RFX1: variants seen among roughly 807,000 people sequenced by gnomAD.
The protein encoded by RFX1 is regulatory factor X1.
In RFX1, 42 loss-of-function variants were observed where a neutral mutation model predicts 119.6. The ratio of observed to expected loss-of-function variants is 0.35; its 90% CI spans 0.27 to 0.45. The LOEUF is 0.45. RFX1 is among the 20% of genes least tolerant of loss of function. The pLI is 1.00. For missense variants in RFX1, 1,118 were observed against 1,368.1 expected, an observed-to-expected ratio of 0.82 and a Z score of 2.88; for synonymous variants, 628 against 618.5, an observed-to-expected ratio of 1.02 and a Z score of -0.23.
chr19:13,970,659 C>G (rs537677485), intron 9 of RFX1, among the ~76,000 whole-genome samples: 2 of 46,818 alleles, frequency 4.3e-5, no homozygotes, highest in South Asian at 7.8e-4. Flanking sequence ...GAGACCTTGT[C>G]TCAAAAAAAA....
rs374385234 is a variant in RFX1, at chr19:13,965,402, G to C, written c.2211+47C>G. Reference sequence around the variant, plus strand: ...GCCCCTGGGGAGCAGAGGAGACGGAGGCCTAAGCCCCAGAGATAGGAGAAA... The same window carrying C: ...GCCCCTGGGGAGCAGAGGAGACGGACGCCTAAGCCCCAGAGATAGGAGAAA... On this transcript the variant is annotated intron_variant, in intron 16 of 20. Coordinates refer to ENST00000254325, the MANE Select transcript of RFX1 (RefSeq NM_002918.5). The surrounding 1 kb of genome is among the most constrained non-coding windows in gnomAD (Gnocchi z 4.7). The C allele has an allele frequency of 4.5e-5, 69 of 1,535,728 alleles. No homozygotes were observed. Among genetic ancestry groups the C allele is most frequent in the Non-Finnish European group, 5.8e-5 (65 of 1,112,084 alleles).
intron 1 of RFX1, among the ~76,000 whole-genome samples, chr19:13,997,275 G>T (rs548934556): frequency 3.8e-4 from 58 of 152,328 alleles, no homozygotes; most frequent in Middle Eastern, 3.4e-3. Flanking sequence ...GAGTTAGCAG[G>T]GGGGCAAGGT....
chr19:14,004,376 C>G (rs1366921278), intron 1 of RFX1, among the ~76,000 whole-genome samples: 1 of 152,130 alleles, frequency 6.6e-6, no homozygotes. Flanking sequence ...GGCATGATGG[C>G]GAGCGCCTGT....
At position 13,966,352 on chromosome 19, in the gene RFX1, C is replaced by T; in HGVS notation, c.1961+69G>A. ...GACAAGCAGGTGCCCCAACCCTGGC[C>T]ATCAAAATCACCTGCGGGTCATGCC... is the stretch of plus-strand genomic sequence containing the variant. On this transcript the variant is annotated intron_variant, in intron 14 of 20. Transcript: ENST00000254325. This position sits in a 1 kb window ranked among gnomAD's most constrained non-coding sequence, Gnocchi z 6.3. 1 of 994,140 alleles carries T rather than the reference C, an allele frequency of 1.0e-6. No homozygotes were observed. The highest frequency in any genetic ancestry group is 1.6e-6 in the Non-Finnish European group (1 of 633,762). The allele number at this position is 994,140 out of a possible 1,614,324, so 61.6% of individuals were successfully genotyped here. A position where few individuals can be genotyped will look rare whatever the true frequency, so the allele number is the denominator to read the frequency against.
At chr19:13,994,347 A>G (rs1000346766) in intron 1 of RFX1, among the ~76,000 whole-genome samples, 1 of 152,128 alleles carries the variant, frequency 6.6e-6, no homozygotes, top group Non-Finnish European at 1.5e-5. Flanking sequence ...GAGGACCCCA[A>G]GTGGGCACTT....
intron 3 of RFX1, 42 bp downstream of exon 3, chr19:13,983,444 C>T (rs776171419): frequency 5.7e-5 from 85 of 1,494,822 alleles, no homozygotes; most frequent in Admixed American, 1.5e-4. Flanking sequence ...CACTGCCCCC[C>T]TCCCGGGCCC....
chr19:13,962,561 C>T lies in RFX1; in HGVS notation c.*134G>A, dbSNP rs1408757678. 5.6e-6 allele frequency: 4 copies of T among 719,758 alleles called. No individual in the cohort carries two copies. In the African/African-American group the frequency reaches 5.7e-5, roughly 10 times the overall value. 44.6% of individuals were successfully genotyped at this position (719,758 alleles called of 1,614,324 possible). On this transcript the variant is annotated 3_prime_UTR_variant, in exon 21 of 21. Transcript: ENST00000254325. Reference sequence around the variant, plus strand: ...GCCGGCCCCATAAGGGAGGAGGGCCCCGGTCTTCCCTGTCTCGGAGTCCCC... The same window carrying T: ...GCCGGCCCCATAAGGGAGGAGGGCCTCGGTCTTCCCTGTCTCGGAGTCCCC...
chr19:13,992,009 C>G (rs1292611139), intron 2 of RFX1, among the ~76,000 whole-genome samples: 2 of 152,106 alleles, frequency 1.3e-5, no homozygotes, highest in East Asian at 3.9e-4. Flanking sequence ...GGTCCCCAAT[C>G]CCATCTTGAC....
chr19:13,978,296 G>C (rs1337366629), intron 7 of RFX1, among the ~76,000 whole-genome samples: 1 of 152,226 alleles, frequency 6.6e-6, no homozygotes, highest in Non-Finnish European at 1.5e-5. Flanking sequence ...TCTCGGCTTC[G>C]GCTGGGGCCA....
At chr19:13,977,589 G>C (rs768344670) in intron 8 of RFX1, among the ~76,000 whole-genome samples, 1 of 151,924 alleles carries the variant, frequency 6.6e-6, no homozygotes, top group Non-Finnish European at 1.5e-5. Context: ...GCTAACTTTT[G>C]TATTTTTAGT....
chr19:13,973,159 G>T, intron 8 of RFX1, 32 bp from the exon 9 acceptor site: 2 of 1,562,722 alleles, frequency 1.3e-6, no homozygotes, highest in Non-Finnish European at 1.7e-6. Flanking sequence ...GGGAGAGTCA[G>T]GGGGATGAGA....
chr19:13,994,511 T>C (rs1380742962), intron 1 of RFX1, among the ~76,000 whole-genome samples: 7 of 151,788 alleles, frequency 4.6e-5, no homozygotes, highest in Non-Finnish European at 1.5e-5. Flanking sequence ...AGGTCAGGAG[T>C]TCGAGACCAG....
Position 13,973,097 on chromosome 19 carries a change from C to T in RFX1, c.960G>A (p.Thr320=), listed in dbSNP as rs756247506. ...IRSSTYSYPE[T]PLYTQTASTS... is the part of the protein sequence containing the mutation. ...TGCTTGCCGTCTGCGTGTACAGCGG[C>T]GTCTCGGGATAGGAGTAGGTGCTGG... Residue 320 remains threonine (T), a synonymous_variant, in exon 9 of 21, where the codon ACG becomes ACA. Coordinates refer to ENST00000254325, the MANE Select transcript of RFX1 (RefSeq NM_002918.5). 6.8e-5 allele frequency: 108 copies of T among 1,599,460 alleles called. No homozygotes were observed. The highest frequency in any genetic ancestry group is 8.4e-5 in the Admixed American group (5 of 59,850).
At chr19:13,974,450 C>T (rs1974191774) in intron 8 of RFX1, among the ~76,000 whole-genome samples, 1 of 152,114 alleles carries the variant, frequency 6.6e-6, no homozygotes, top group Admixed American at 6.6e-5. Context: ...CCTCAAGGGG[C>T]TGTTAAACAA....
intron 12 of RFX1, among the ~76,000 whole-genome samples, chr19:13,967,337 ACTTTGT>A (rs1274037176): frequency 6.8e-6 from 1 of 146,124 alleles, no homozygotes; most frequent in Admixed American, 6.8e-5. Flanking sequence ...ATTGTTGTTT[ACTTTGT>A]CTTTTTTTTT....
intron 8 of RFX1, among the ~76,000 whole-genome samples, chr19:13,974,592 A>C (rs1805707188): frequency 6.6e-6 from 1 of 152,130 alleles, no homozygotes; most frequent in Non-Finnish European, 1.5e-5. Flanking sequence ...TGACCGAACA[A>C]TAGGGAAGAA....
Position 13,993,594 on chromosome 19 carries a change from G to T in RFX1, c.250C>A (p.Pro84Thr), listed in dbSNP as rs1202859646. The change falls in exon 2 of 21, where the codon CCC becomes ACC. Residue 84 changes from proline to threonine, a missense_variant. Around this residue, in one of 5 missense-constraint regions of RFX1, gnomAD observed 542 missense variants for 602.7 expected, o/e 0.90. Transcript: ENST00000254325. ...YVTELPAVPA[P>T]SQPTGAPTPS... is the part of the protein sequence containing the mutation. ...GTGGGTGCACCGGTTGGCTGCGAGG[G>T]TGCGGGTACAGCCGGGAGCTCCGTC... 4 of 1,612,294 alleles carry T rather than the reference G, an allele frequency of 2.5e-6. No homozygotes were observed. In the African/African-American group the frequency reaches 4.0e-5, roughly 16 times the overall value.
At chr19:14,002,873 C>T (rs1337362314) in intron 1 of RFX1, among the ~76,000 whole-genome samples, 2 of 152,216 alleles carry the variant, frequency 1.3e-5, no homozygotes, top group African/African-American at 2.4e-5. Context: ...AGGACCTCGG[C>T]TCCAGAGACG....
At position 13,999,610 on chromosome 19, in the gene RFX1, C is replaced by A. The variant is rs148005210; in HGVS notation, c.-52-5715G>T. Among the ~76,000 whole-genome samples, 227 of 151,918 alleles carry A rather than the reference C, an allele frequency of 1.5e-3. 1 individual carries two copies. The highest frequency in any genetic ancestry group is 5.2e-3 in the African/African-American group (215 of 41,448). Reference sequence around the variant, plus strand: ...TCCAATAATTTAAAAATGTAAAAATCATTCTTAGCTCACCAGCCAAAAACA... The same window carrying A: ...TCCAATAATTTAAAAATGTAAAAATAATTCTTAGCTCACCAGCCAAAAACA... On this transcript the variant is annotated intron_variant, in intron 1 of 20. Coordinates refer to ENST00000254325, the MANE Select transcript of RFX1 (RefSeq NM_002918.5).
Sources: gnomAD v4.1 joint callset for allele counts (sites outside exome capture counted in the v4.1 genomes callset) on GRCh38, gnomAD v4.1.1 for gene constraint, gnomAD v4.1.1 regional missense constraint, Gnocchi (gnomAD v3.1) non-coding constraint, MANE v1.5 for transcripts, NCBI Gene and HGNC (gene_info 2026-07-23, HGNC 2026-07-21) for gene names.